Variants in HEPHL1 observed in about 807,000 individuals in gnomAD.
HEPHL1 encodes ferroxidase HEPHL1.
Under a neutral mutation model 122.0 loss-of-function variants are expected in HEPHL1, and 123 were observed. The observed-to-expected ratio is 1.01, with a 90% CI of 0.87 to 1.17. The LOEUF is 1.17. Among genes scored for constraint, HEPHL1 ranks in the 50% most tolerant of loss-of-function variants. The pLI, the probability that HEPHL1 is intolerant of heterozygous loss-of-function variation, is 0.00. For synonymous variants in HEPHL1, 527 were observed against 508.9 expected (o/e 1.04, Z -0.48); for missense variants, 1,452 against 1,430.5 (o/e 1.01, Z -0.24).
intron 16 of HEPHL1, among the ~76,000 whole-genome samples, chr11:94,105,250 C>G (rs1199991700): frequency 1.3e-5 from 2 of 152,074 alleles, no homozygotes; most frequent in Non-Finnish European, 2.9e-5. Flanking sequence ...CTATTTTTGA[C>G]CAAAAGTGCA....
chr11:94,086,915 T>G (rs1335891590), intron 11 of HEPHL1, among the ~76,000 whole-genome samples: 4 of 152,236 alleles, frequency 2.6e-5, no homozygotes, highest in Non-Finnish European at 4.4e-5. Flanking sequence ...ACCAATTTTT[T>G]CATCAGTCTT....
intron 10 of HEPHL1, among the ~76,000 whole-genome samples, chr11:94,085,515 T>C (rs1406068106): frequency 6.6e-6 from 1 of 152,212 alleles, no homozygotes; most frequent in African/African-American, 2.4e-5. Flanking sequence ...GCTGAATCCA[T>C]GTAATCAGTA....
chr11:94,053,762 T>G (rs10831160), intron 2 of HEPHL1, among the ~76,000 whole-genome samples: 88,566 of 151,992 alleles, frequency 0.58, 25,968 homozygotes, highest in South Asian at 0.68. Context: ...TTAGATGATT[T>G]CAAAGATTTC....
At chr11:94,084,403 TAAAAC>T (rs1232710305) in intron 10 of HEPHL1, among the ~76,000 whole-genome samples, 35 of 151,890 alleles carry the variant, frequency 2.3e-4, no homozygotes, top group Non-Finnish European at 3.4e-4. Flanking sequence ...ATATCATTGT[TAAAAC>T]AAAGTTCAAG....
rs1946112147 is a variant in HEPHL1, at chr11:94,075,327, G to T, written c.1658G>T (p.Gly553Val). ...AVDPIKDTSS[G>V]LVGPLLVCKK... Reference sequence around the variant, plus strand: ...GATCCAATTAAGGACACCAGCTCTGGCCTGGTAGGGCCTTTGCTAGTCTGT... The same window carrying T: ...GATCCAATTAAGGACACCAGCTCTGTCCTGGTAGGGCCTTTGCTAGTCTGT... The change falls in exon 9 of 20, where the codon GGC (glycine) becomes GTC (valine). Residue 553 changes from glycine to valine, a missense_variant. Gly to Val is a moderately radical substitution (Grantham distance 109). Transcript: ENST00000315765. 1.2e-6 allele frequency: 2 copies of T among 1,613,314 alleles called. No homozygotes were observed. Among genetic ancestry groups the T allele is most frequent in the Non-Finnish European group, 1.7e-6 (2 of 1,179,626 alleles).
chr11:94,044,608 C>T (rs1313689039), intron 1 of HEPHL1, among the ~76,000 whole-genome samples: 1 of 152,198 alleles, frequency 6.6e-6, no homozygotes, highest in Admixed American at 6.5e-5. Context: ...ATAACCTGCA[C>T]TTCCCATTCC....
intron 1 of HEPHL1, among the ~76,000 whole-genome samples, chr11:94,042,642 G>A (rs540240080): frequency 1.4e-5 from 2 of 147,704 alleles, no homozygotes; most frequent in Non-Finnish European, 1.5e-5. Context: ...ATCAAACACC[G>A]CATATTCTCA....
chr11:94,075,507 A>G, intron 9 of HEPHL1, 122 bp downstream of exon 9: 1 of 673,248 alleles, frequency 1.5e-6, no homozygotes, highest in Non-Finnish European at 2.6e-6. Flanking sequence ...CTCTTGAAGT[A>G]GATTTCTACA....
intron 13 of HEPHL1, 25 bp from the exon 14 acceptor site, chr11:94,101,170 A>G: frequency 6.2e-7 from 1 of 1,611,970 alleles, no homozygotes; most frequent in South Asian, 1.1e-5. Flanking sequence ...ATAATAATGC[A>G]CACAGGCCTG....
intron 2 of HEPHL1, among the ~76,000 whole-genome samples, chr11:94,047,129 G>A (rs1280439542): frequency 1.3e-5 from 2 of 152,210 alleles, no homozygotes; most frequent in Non-Finnish European, 1.5e-5. Context: ...GTAGTTCTTA[G>A]TTGTTGAGGA....
intron 10 of HEPHL1, among the ~76,000 whole-genome samples, chr11:94,085,252 G>A (rs1946207100): frequency 6.6e-6 from 1 of 152,176 alleles, no homozygotes; most frequent in African/African-American, 2.4e-5. Flanking sequence ...ATGGATTGGG[G>A]TTGATGTCAA....
Position 94,021,437 on chromosome 11 carries a change from C to T in HEPHL1, c.69C>T (p.Gly23=), listed in dbSNP as rs752107276. ...TCCTGGGTCTGTCTGGGCTGGTTGG[C>T]ACAGTTACCAGAACGTACTACATTG... ...LTFLGLSGLV[G]TVTRTYYIGI... Residue 23 remains glycine (G), a synonymous_variant, in exon 1 of 20, where the codon GGC becomes GGT. Coordinates refer to ENST00000315765, the MANE Select transcript of HEPHL1 (RefSeq NM_001098672.2). 16 of 1,613,418 alleles carry T rather than the reference C, an allele frequency of 9.9e-6. No individual in the cohort carries two copies. In the East Asian group the frequency reaches 2.5e-4, roughly 25 times the overall value.
intron 17 of HEPHL1, 94 bp downstream of exon 17, chr11:94,106,224 C>T: frequency 1.1e-6 from 1 of 943,010 alleles, no homozygotes; most frequent in Non-Finnish European, 1.6e-6. Context: ...GGCAATAATG[C>T]TTGTGAGGAT....
At chr11:94,103,158 G>A (rs1198789983) in intron 15 of HEPHL1, 138 bp downstream of exon 15, 4 of 606,132 alleles carry the variant, frequency 6.6e-6, no homozygotes, top group South Asian at 3.9e-5. Context: ...GCCCATTTAC[G>A]AAATCTAGAC....
intron 1 of HEPHL1, among the ~76,000 whole-genome samples, chr11:94,040,904 A>G (rs1945770992): frequency 2.0e-5 from 2 of 99,204 alleles, no homozygotes; most frequent in South Asian, 7.8e-4. Context: ...AATAAAGGGT[A>G]TTCAATTAGG....
At chr11:94,085,535 C>T (rs997950003) in intron 10 of HEPHL1, among the ~76,000 whole-genome samples, 1 of 152,152 alleles carries the variant, frequency 6.6e-6, no homozygotes, top group African/African-American at 2.4e-5. Flanking sequence ...AAAAGCATGT[C>T]TGATAACTTC....
intron 6 of HEPHL1, among the ~76,000 whole-genome samples, chr11:94,071,027 C>A (rs1196589411): frequency 6.6e-6 from 1 of 152,068 alleles, no homozygotes; most frequent in Non-Finnish European, 1.5e-5. Context: ...CAGTAAAATG[C>A]CATTTTTCTT....
intron 2 of HEPHL1, among the ~76,000 whole-genome samples, chr11:94,062,939 A>C (rs1284767862): frequency 1.3e-5 from 2 of 152,164 alleles, no homozygotes; most frequent in Non-Finnish European, 2.9e-5. Flanking sequence ...TTTGACCCAA[A>C]ATGACATTCA....
intron 1 of HEPHL1, among the ~76,000 whole-genome samples, chr11:94,033,705 C>A (rs1431666564): frequency 3.3e-5 from 5 of 152,136 alleles, no homozygotes. Context: ...CTTTAGCTTG[C>A]CAATATGGGG....
Sources: gnomAD v4.1 joint callset for allele counts (sites outside exome capture counted in the v4.1 genomes callset) on GRCh38, gnomAD v4.1.1 for gene constraint, MANE v1.5 for transcripts, NCBI Gene and HGNC (gene_info 2026-07-23, HGNC 2026-07-21) for gene names.